The following SLC2A8 variants were observed in gnomAD, a reference collection of about 807,000 sequenced individuals.
SLC2A8 encodes solute carrier family 2 member 8.
A neutral mutation model predicts 49.2 loss-of-function variants in SLC2A8; 53 were observed. That is an observed-to-expected ratio of 1.08 (90% CI 0.86 to 1.35). The LOEUF (loss-of-function observed/expected upper bound fraction) is 1.35. Among genes scored for constraint, SLC2A8 ranks in the 40% most tolerant of loss-of-function variants. The probability of loss-of-function intolerance (pLI) is 0.00; values close to 1 mark genes in which losing one functional copy is unlikely to be tolerated. For synonymous variants in SLC2A8, 299 were observed against 297.0 expected (o/e 1.01, Z -0.07); for missense variants, 688 against 671.7 (o/e 1.02, Z -0.27).
At position 127,407,241 on chromosome 9, in the gene SLC2A8, G is replaced by A. The variant is rs1217227532; in HGVS notation, c.1426G>A (p.Gly476Arg). 1.2e-6 allele frequency: 2 copies of A among 1,612,914 alleles called. No individual in the cohort carries two copies. The highest frequency in any genetic ancestry group is 2.7e-5 in the African/African-American group (2 of 74,930). ...GGAACAAATCACAGCCCATTTTGAG[G>A]GGCGATGACAGCCACTCACTAGGGG... is the stretch of plus-strand genomic sequence containing the variant. ...TLEQITAHFE[G>R]R The change falls in exon 10 of 10, where the codon GGG becomes AGG. Residue 476 changes from glycine to arginine, a missense_variant. Physicochemically the swap from Gly to Arg is moderately radical, Grantham distance 125 (BLOSUM62 -2). Transcript: ENST00000373371.
chr9:127,398,655 C>A (rs1833144915), intron 3 of SLC2A8, among the ~76,000 whole-genome samples: 1 of 152,186 alleles, frequency 6.6e-6, no homozygotes, highest in Admixed American at 6.5e-5. Flanking sequence ...ACTTGGGAGC[C>A]CCGAACATCT....
In SLC2A8 at chr9:127,405,406, T is replaced by A; in HGVS notation, c.1151-14T>A. ...CGGACCCTGATGCCTGTCTTGCCTG[T>A]CTCGCTCCCACAGGCTTTGCGGTGG... On this transcript the variant is annotated splice_polypyrimidine_tract_variant and intron_variant, in intron 8 of 9. Transcript: ENST00000373371. 6.2e-7 allele frequency: 1 copy of A among 1,611,934 alleles called. No individual in the cohort carries two copies. The highest frequency in any genetic ancestry group is 8.5e-7 in the Non-Finnish European group (1 of 1,179,904).
intron 4 of SLC2A8, 84 bp downstream of exon 4, chr9:127,400,090 A>C: frequency 8.1e-7 from 1 of 1,236,744 alleles, no homozygotes; most frequent in South Asian, 1.3e-5. Flanking sequence ...AGTGAGGTCA[A>C]GGGACTTGTC....
At chr9:127,404,176 G>A in intron 7 of SLC2A8, 109 bp downstream of exon 7, 1 of 727,118 alleles carries the variant, frequency 1.4e-6, no homozygotes, top group South Asian at 1.8e-5. Context: ...CAAACATCAT[G>A]GACTAATGCG....
chr9:127,402,618 G>T lies in SLC2A8; in HGVS notation c.588G>T (p.Leu196=). ...GCTGCGTGCCCCCCTCCCTCATGCTGCTTCTCATGTGCTTCATGCCCGAGA... is the reference window on the plus strand; with the variant it reads ...GCTGCGTGCCCCCCTCCCTCATGCTTCTTCTCATGTGCTTCATGCCCGAGA... ...VLGCVPPSLM[L]LLMCFMPETP... The change falls in exon 5 of 10, where the codon CTG becomes CTT. Residue 196 remains leucine, a synonymous_variant. Coordinates refer to ENST00000373371, the MANE Select transcript of SLC2A8 (RefSeq NM_014580.5). The T allele has an allele frequency of 6.3e-7, 1 of 1,597,918 alleles. No homozygotes were observed.
intron 9 of SLC2A8, among the ~76,000 whole-genome samples, chr9:127,406,280 C>T (rs1255606371): frequency 6.6e-6 from 1 of 152,168 alleles, no homozygotes; most frequent in East Asian, 1.9e-4. Flanking sequence ...GAATGAACCC[C>T]AGTGGGGCTG....
Position 127,403,722 on chromosome 9 carries a change from C to T in SLC2A8, c.786C>T (p.Ser262=), listed in dbSNP as rs1348606124. 1 of 1,613,134 alleles carries T rather than the reference C, an allele frequency of 6.2e-7. No homozygotes were observed. Residue 262 remains serine, a synonymous_variant, in exon 6 of 10, where the codon TCC becomes TCT. Transcript: ENST00000373371. ...GIYKPFIIGV[S]LMAFQQLSGV... is the part of the protein sequence containing the mutation. ...ACAAGCCCTTCATCATCGGCGTCTCCCTGATGGCCTTCCAGCAGCTGTCGG... is the reference window on the plus strand; with the variant it reads ...ACAAGCCCTTCATCATCGGCGTCTCTCTGATGGCCTTCCAGCAGCTGTCGG...
rs754228155 is a variant in SLC2A8, at chr9:127,404,855, C to A, written c.1014C>A (p.Ala338=). The change falls in exon 8 of 10, where the codon GCC becomes GCA. Residue 338 remains alanine, a synonymous_variant. Coordinates refer to ENST00000373371, the MANE Select transcript of SLC2A8 (RefSeq NM_014580.5). ...TGTTCAGCACGAGTGCCTTCGGCGC[C>A]TACTTCAAGCTGACCCAGGGTGGCC... ...VMVFSTSAFG[A]YFKLTQGGPG... is the part of the protein sequence containing the mutation. 2 of 1,612,654 alleles carry A rather than the reference C, an allele frequency of 1.2e-6. No homozygotes were observed. The highest frequency in any genetic ancestry group is 1.7e-6 in the Non-Finnish European group (2 of 1,179,732).
At position 127,397,200 on chromosome 9, in the gene SLC2A8, C is replaced by T. The variant is rs1833050677; in HGVS notation, c.-31C>T. 2.1e-6 allele frequency: 3 copies of T among 1,452,520 alleles called. No homozygotes were observed. The highest frequency in any genetic ancestry group is 2.7e-6 in the Non-Finnish European group (3 of 1,111,038). 90.0% of individuals were successfully genotyped at this position (1,452,520 alleles called of 1,614,324 possible). ...GCAGGGCCCGTGGCGGTTCAGGCGCCAGAGCTGGCCGATCGGCGTTGGCCG... is the reference window on the plus strand; with the variant it reads ...GCAGGGCCCGTGGCGGTTCAGGCGCTAGAGCTGGCCGATCGGCGTTGGCCG... On this transcript the variant is annotated 5_prime_UTR_variant, in exon 1 of 10. Coordinates refer to ENST00000373371, the MANE Select transcript of SLC2A8 (RefSeq NM_014580.5).
chr9:127,404,070 G>A lies in SLC2A8; in HGVS notation c.976+3G>A. Reference sequence around the variant, plus strand: ...GAGGCTGCTCCTGGTCTTGTCAGGTGAGGGTTCACCCCTGTGCAGCCTCCC... The same window carrying A: ...GAGGCTGCTCCTGGTCTTGTCAGGTAAGGGTTCACCCCTGTGCAGCCTCCC... On this transcript the variant is annotated splice_donor_region_variant and intron_variant, in intron 7 of 9. Transcript: ENST00000373371. The A allele has an allele frequency of 1.3e-6, 2 of 1,589,240 alleles. No homozygotes were observed. Among genetic ancestry groups the A allele is most frequent in the Non-Finnish European group, 1.7e-6 (2 of 1,162,770 alleles).
intron 2 of SLC2A8, 29 bp from the exon 3 acceptor site, chr9:127,397,875 GC>G (rs1833100027): frequency 1.4e-6 from 2 of 1,446,532 alleles, no homozygotes; most frequent in African/African-American, 1.5e-5. Flanking sequence ...CGGCTTCGGC[GC>G]CCCCTCCTCA....
chr9:127,404,607 A>G, intron 7 of SLC2A8: 1 of 565,724 alleles, frequency 1.8e-6, no homozygotes, highest in South Asian at 2.5e-5. Flanking sequence ...CTCGGCCCAG[A>G]GGGTCTGCTC....
At chr9:127,406,392 CCAGGCCGA>C (rs1833494077) in intron 9 of SLC2A8, among the ~76,000 whole-genome samples, 1 of 152,140 alleles carries the variant, frequency 6.6e-6, no homozygotes, top group South Asian at 2.1e-4. Context: ...ATCGAGGGGG[CCAGGCCGA>C]TGCCTGGGGG....
At chr9:127,398,174 A>G in intron 3 of SLC2A8, 63 bp downstream of exon 3, 1 of 1,498,556 alleles carries the variant, frequency 6.7e-7, no homozygotes, top group Non-Finnish European at 9.1e-7. Context: ...AGTGGGACAA[A>G]CCGCTCCCCA....
chr9:127,402,464 G>T lies in SLC2A8; in HGVS notation c.527-93G>T, dbSNP rs1176275392. ...AGGGCAGATGTGCAGAGGCAGCGAG[G>T]CCCCATCTCTGAAGCTGAGTCTTTG... On this transcript the variant is annotated intron_variant, in intron 4 of 9. Coordinates refer to ENST00000373371, the MANE Select transcript of SLC2A8 (RefSeq NM_014580.5). 32 of 1,430,324 alleles carry T rather than the reference G, an allele frequency of 2.2e-5. No individual in the cohort carries two copies. The Admixed American group carries it at 9.3e-4, about 41-fold the overall frequency. The allele number at this position is 1,430,324 out of a possible 1,614,324, so 88.6% of individuals were successfully genotyped here.
intron 7 of SLC2A8, chr9:127,404,540 C>T (rs1034569507): frequency 4.6e-5 from 20 of 433,096 alleles, no homozygotes; most frequent in East Asian, 2.0e-4. Context: ...GCTGCGAAGA[C>T]GACCGTCGGG....
At position 127,399,904 on chromosome 9, in the gene SLC2A8, C is replaced by A; in HGVS notation, c.427-3C>A. ...CCATAAATCCTCATCTGATTGCTGG[C>A]AGGTCTACATCTCCGAAATCGCCTA... is the stretch of plus-strand genomic sequence containing the variant. On this transcript the variant is annotated splice_region_variant and splice_polypyrimidine_tract_variant and intron_variant, in intron 3 of 9. Coordinates refer to ENST00000373371, the MANE Select transcript of SLC2A8 (RefSeq NM_014580.5). The surrounding 1 kb of genome is among the most constrained non-coding windows in gnomAD (Gnocchi z 4.2). 7 of 1,612,654 alleles carry A rather than the reference C, an allele frequency of 4.3e-6. No individual in the cohort carries two copies. The highest frequency in any genetic ancestry group is 2.2e-5 in the South Asian group (2 of 91,042).
Position 127,404,006 on chromosome 9 carries a change from C to T in SLC2A8, c.915C>T (p.Phe305=), listed in dbSNP as rs1388283612. The T allele has an allele frequency of 2.5e-5, 41 of 1,608,516 alleles. No homozygotes were observed. The highest frequency in any genetic ancestry group is 3.1e-5 in the Non-Finnish European group (36 of 1,176,666). Residue 305 remains phenylalanine, a synonymous_variant, in exon 7 of 10, where the codon TTC becomes TTT. Transcript: ENST00000373371. ...SVVVGVIQVL[F]TAVAALIMDR... is the part of the protein sequence containing the mutation. Reference sequence around the variant, plus strand: ...TCGTGGGTGTCATCCAGGTGCTGTTCACAGCTGTGGCGGCTCTCATCATGG... The same window carrying T: ...TCGTGGGTGTCATCCAGGTGCTGTTTACAGCTGTGGCGGCTCTCATCATGG...
chr9:127,398,206 C>G (rs1833121710), intron 3 of SLC2A8, 95 bp downstream of exon 3: 2 of 1,308,038 alleles, frequency 1.5e-6, no homozygotes, highest in South Asian at 2.4e-5. Flanking sequence ...GCGGCTCCCC[C>G]TGGCGGGACC....
Sources: gnomAD v4.1 joint callset for allele counts (sites outside exome capture counted in the v4.1 genomes callset) on GRCh38, gnomAD v4.1.1 for gene constraint, Gnocchi (gnomAD v3.1) non-coding constraint, MANE v1.5 for transcripts, NCBI Gene and HGNC (gene_info 2026-07-23, HGNC 2026-07-21) for gene names.